The following SERPINE3 variants were observed in gnomAD, a reference collection of about 807,000 sequenced individuals.
SERPINE3 encodes the protein serpin E3.
Under a neutral mutation model 41.7 loss-of-function variants are expected in SERPINE3, and 43 were observed. That is an observed-to-expected ratio of 1.03 (90% CI 0.81 to 1.33). SERPINE3 has a LOEUF of 1.33. Among genes scored for constraint, SERPINE3 ranks in the 40% most tolerant of loss-of-function variants. The pLI is 0.00. For missense variants in SERPINE3, 440 were observed against 491.7 expected (o/e 0.89, Z 0.99); for synonymous variants, 200 against 192.2 (o/e 1.04, Z -0.34).
At position 51,341,300 on chromosome 13, in the gene SERPINE3, G is replaced by A. The variant is rs757006321; in HGVS notation, c.209G>A (p.Gly70Glu). Residue 70 changes from glycine (G) to glutamate (E), a missense_variant, in exon 3 of 10, where the codon GGG becomes GAG. Physicochemically the swap from Gly to Glu is moderately conservative, Grantham distance 98 (BLOSUM62 -2). Coordinates refer to ENST00000681248, the MANE Select transcript of SERPINE3 (RefSeq NM_001386375.1). Reference sequence around the variant, plus strand: ...GAGATCCTGCAGTTTGGAGCAGAAGGGAGCACTGGTCAGCAGCTGGCAGAT... The same window carrying A: ...GAGATCCTGCAGTTTGGAGCAGAAGAGAGCACTGGTCAGCAGCTGGCAGAT... The part of the protein sequence containing the change: ...PLEILQFGAE[G>E]STGQQLADAL... The A allele has an allele frequency of 9.3e-6, 15 of 1,613,044 alleles. No individual in the cohort carries two copies. In the Admixed American group the frequency reaches 2.2e-4, roughly 23 times the overall value.
chr13:51,361,713 C>T, intron 8 of SERPINE3, 97 bp from the exon 9 acceptor site: 1 of 1,089,608 alleles, frequency 9.2e-7, no homozygotes, highest in Admixed American at 3.0e-5. Flanking sequence ...CATTAGGATG[C>T]TTTGATTTCT....
At chr13:51,354,923 G>C in intron 6 of SERPINE3, 120 bp from the exon 7 acceptor site, 2 of 631,002 alleles carry the variant, frequency 3.2e-6, no homozygotes, top group Non-Finnish European at 5.7e-6. Context: ...GATGAAGCTG[G>C]AAATAAATCT....
chr13:51,342,588 G>T (rs1267419505), intron 3 of SERPINE3, among the ~76,000 whole-genome samples: 1 of 152,150 alleles, frequency 6.6e-6, no homozygotes, highest in Non-Finnish European at 1.5e-5. Context: ...GCAGAGAAAA[G>T]ATTTCACACA....
intron 6 of SERPINE3, among the ~76,000 whole-genome samples, chr13:51,349,128 T>G (rs1593639843): frequency 6.6e-6 from 1 of 152,152 alleles, no homozygotes; most frequent in African/African-American, 2.4e-5. Flanking sequence ...TCAGAGTAAA[T>G]TTATAACCAT....
At chr13:51,352,408 T>C (rs1955413547) in intron 6 of SERPINE3, among the ~76,000 whole-genome samples, 1 of 152,220 alleles carries the variant, frequency 6.6e-6, no homozygotes, top group South Asian at 2.1e-4. Context: ...ACAAACACAA[T>C]TGATTTTTGT....
At chr13:51,349,581 AC>A (rs774724266) in intron 6 of SERPINE3, among the ~76,000 whole-genome samples, 15 of 152,310 alleles carry the variant, frequency 9.8e-5, no homozygotes, top group South Asian at 6.2e-4. Context: ...ATTCGCCACA[AC>A]CTTTTTGGGT....
chr13:51,364,447 G>T lies in SERPINE3; in HGVS notation c.*165G>T. 1 of 508,020 alleles carries T rather than the reference G, an allele frequency of 2.0e-6. No individual in the cohort carries two copies. Among genetic ancestry groups the T allele is most frequent in the South Asian group, 3.2e-5 (1 of 31,680 alleles). 31.5% of individuals were successfully genotyped at this position (508,020 alleles called of 1,614,324 possible). A position where few individuals can be genotyped will look rare whatever the true frequency, so the allele number is the denominator to read the frequency against. ...ATACTTCAGTTTTTAAATGTTATAA[G>T]TTTATTTTGCCTACTCTTAATCCAA... On this transcript the variant is annotated 3_prime_UTR_variant, in exon 10 of 10. Coordinates refer to ENST00000681248, the MANE Select transcript of SERPINE3 (RefSeq NM_001386375.1).
chr13:51,348,125 C>A, intron 5 of SERPINE3, 88 bp from the exon 6 acceptor site: 1 of 1,038,810 alleles, frequency 9.6e-7, no homozygotes, highest in Non-Finnish European at 1.4e-6. Flanking sequence ...GTTTCCAGTC[C>A]TCTGAGCCAG....
Position 51,348,222 on chromosome 13 carries a change from A to T in SERPINE3, c.710A>T (p.Gln237Leu). 6.3e-7 allele frequency: 1 copy of T among 1,588,418 alleles called. No homozygotes were observed. Among genetic ancestry groups the T allele is most frequent in the Non-Finnish European group, 8.6e-7 (1 of 1,166,922 alleles). Residue 237 changes from glutamine to leucine, a missense_variant, in exon 6 of 10, where the codon CAG becomes CTG. Physicochemically the swap from Gln to Leu is moderately radical, Grantham distance 113. Transcript: ENST00000681248. ...QTTEVNYGQF[Q>L]DTAGHQVGVL... is the part of the protein sequence containing the mutation. ...TCCACTGTACCCTCAGGTCAGTTCC[A>T]GGACACTGCAGGCCATCAGGTGGGG...
rs1955355636 is a variant in SERPINE3 at position 51,347,150 on chromosome 13, G to T, written c.616G>T (p.Asp206Tyr). 1.2e-6 allele frequency: 2 copies of T among 1,613,818 alleles called. No homozygotes were observed. The highest frequency in any genetic ancestry group is 1.7e-6 in the Non-Finnish European group (2 of 1,179,872). ...GTWRKRFSSTDTQILPFTCAY... is the reference protein window; with the variant it reads ...GTWRKRFSSTYTQILPFTCAY... ...TTGGCGAAAGAGATTCTCCTCCACAGACACACAGATCCTGCCTTTCACCTG... is the reference window on the plus strand; with the variant it reads ...TTGGCGAAAGAGATTCTCCTCCACATACACACAGATCCTGCCTTTCACCTG... Residue 206 changes from aspartate to tyrosine, a missense_variant, in exon 5 of 10, where the codon GAC becomes TAC. Coordinates refer to ENST00000681248, the MANE Select transcript of SERPINE3 (RefSeq NM_001386375.1).
chr13:51,342,245 A>T (rs1271629382), intron 3 of SERPINE3, among the ~76,000 whole-genome samples: 2 of 151,638 alleles, frequency 1.3e-5, no homozygotes, highest in Middle Eastern at 3.2e-3. Flanking sequence ...AAGTGGAATG[A>T]AGCTGTCCTA....
Position 51,344,988 on chromosome 13 carries a change from G to A in SERPINE3, c.490+503G>A, listed in dbSNP as rs1028731979. Among the ~76,000 whole-genome samples, 4 of 152,200 alleles carry A rather than the reference G, an allele frequency of 2.6e-5. No individual in the cohort carries two copies. The East Asian group carries it at 7.7e-4, about 29-fold the overall frequency. ...AAGAAAGAGACTTACAAACAGCCTC[G>A]CTGCCCAGCAATGAGGTGTGAATCA... On this transcript the variant is annotated intron_variant, in intron 4 of 9. Coordinates refer to ENST00000681248, the MANE Select transcript of SERPINE3 (RefSeq NM_001386375.1).
At chr13:51,340,043 C>A (rs889699375) in intron 1 of SERPINE3, among the ~76,000 whole-genome samples, 6 of 152,166 alleles carry the variant, frequency 3.9e-5, no homozygotes, top group Admixed American at 1.3e-4. Context: ...TATCTTGGAC[C>A]TTTACCTAAA....
chr13:51,357,452 G>A (rs1465247850), intron 7 of SERPINE3, among the ~76,000 whole-genome samples: 1 of 152,102 alleles, frequency 6.6e-6, no homozygotes, highest in Non-Finnish European at 1.5e-5. Flanking sequence ...CAGTTTACGA[G>A]GGATTACCAA....
At chr13:51,344,790 G>A (rs1451900511) in intron 4 of SERPINE3, among the ~76,000 whole-genome samples, 1 of 152,154 alleles carries the variant, frequency 6.6e-6, no homozygotes, top group African/African-American at 2.4e-5. Flanking sequence ...GGACCCCACA[G>A]GCTTTCTCCC....
chr13:51,354,870 C>T (rs1955455616), intron 6 of SERPINE3, among the ~76,000 whole-genome samples, 173 bp from the exon 7 acceptor site: 1 of 152,076 alleles, frequency 6.6e-6, no homozygotes, highest in Non-Finnish European at 1.5e-5. Flanking sequence ...TGGGGAAGAG[C>T]CCTGTGTGGT....
At position 51,364,308 on chromosome 13, in the gene SERPINE3, G is replaced by A. The variant is rs1955642858; in HGVS notation, c.*26G>A. The A allele has an allele frequency of 7.4e-7, 1 of 1,342,846 alleles. No homozygotes were observed. Among genetic ancestry groups the A allele is most frequent in the East Asian group, 2.5e-5 (1 of 39,218 alleles). 83.2% of individuals were successfully genotyped at this position (1,342,846 alleles called of 1,614,324 possible). ...ATGCATGTTCTCCACTTTCATCAAT[G>A]CTTTTCTTCATAAAGTTATAATTTC... On this transcript the variant is annotated 3_prime_UTR_variant, in exon 10 of 10. Transcript: ENST00000681248.
At chr13:51,349,730 A>G (rs2137788161) in intron 6 of SERPINE3, among the ~76,000 whole-genome samples, 1 of 152,294 alleles carries the variant, frequency 6.6e-6, no homozygotes, top group Non-Finnish European at 1.5e-5. Context: ...GCAGTTTGAA[A>G]ACTGAAAAAC....
rs1158728004 is a variant in SERPINE3 at position 51,348,017 on chromosome 13, A to G, written c.701-196A>G. Among the ~76,000 whole-genome samples, 3 of 152,098 alleles carry G rather than the reference A, an allele frequency of 2.0e-5. No individual in the cohort carries two copies. In the East Asian group the frequency reaches 5.8e-4, roughly 29 times the overall value. On this transcript the variant is annotated intron_variant, in intron 5 of 9. Coordinates refer to ENST00000681248, the MANE Select transcript of SERPINE3 (RefSeq NM_001386375.1). ...CTCTGGTCCTGTGAGGGTATCTTAA[A>G]GACTCTAGGTCTAGGATTTTTATAA...
Sources: allele counts gnomAD v4.1 joint callset (sites outside exome capture counted in the v4.1 genomes callset), GRCh38; gene constraint gnomAD v4.1.1; transcripts MANE v1.5; gene names NCBI Gene and HGNC (gene_info 2026-07-23, HGNC 2026-07-21).